DNAJC1: variants seen among roughly 807,000 people sequenced by gnomAD.
The protein encoded by DNAJC1 is DnaJ heat shock protein family (Hsp40) member C1.
DNAJC1 carries 58 observed loss-of-function variants against 76.6 expected under a neutral mutation model. That is an observed-to-expected ratio of 0.76 (90% CI 0.61 to 0.94). The LOEUF is 0.94. DNAJC1 is among the 40% of genes least tolerant of loss of function. DNAJC1 has a pLI of 0.00. For synonymous variants in DNAJC1, 258 were observed against 267.9 expected (o/e 0.96, Z 0.36); for missense variants, 689 against 677.3 (o/e 1.02, Z -0.19).
intron 9 of DNAJC1, among the ~76,000 whole-genome samples, chr10:21,786,801 C>A (rs1834617504): frequency 6.6e-6 from 1 of 152,090 alleles, no homozygotes; most frequent in South Asian, 2.1e-4. Context: ...ATCCAATTAC[C>A]ATCTATCCCT....
At chr10:21,761,804 C>A (rs896749190) in intron 10 of DNAJC1, among the ~76,000 whole-genome samples, 1 of 152,120 alleles carries the variant, frequency 6.6e-6, no homozygotes, top group Non-Finnish European at 1.5e-5. Context: ...AGTTCCAGGT[C>A]CTAGTCTTTT....
At chr10:21,981,662 G>A (rs1838161503) in intron 1 of DNAJC1, among the ~76,000 whole-genome samples, 1 of 152,150 alleles carries the variant, frequency 6.6e-6, no homozygotes, top group African/African-American at 2.4e-5. Flanking sequence ...GATTACATGA[G>A]ATAATATGTG....
At chr10:21,914,146 T>C (rs1317650654) in intron 6 of DNAJC1, among the ~76,000 whole-genome samples, 1 of 152,236 alleles carries the variant, frequency 6.6e-6, no homozygotes, top group South Asian at 2.1e-4. Context: ...TATAGAAATA[T>C]CCATGCATCT....
Position 21,852,092 on chromosome 10 carries a change from TACACACACACACACACACACAC to T in DNAJC1, c.978+30168_978+30189del, listed in dbSNP as rs58289439. Among the ~76,000 whole-genome samples, 8 of 146,100 alleles carry T rather than the reference TACACACACACACACACACACAC, an allele frequency of 5.5e-5. No individual in the cohort carries two copies. In the South Asian group the frequency reaches 6.7e-4, roughly 12 times the overall value. ...ATAAAAAAAATAAAAAATTGTGAGATACACACACACACACACACACACACACACACACACACACACACGGAAT... is the reference window on the plus strand; with the variant it reads ...ATAAAAAAAATAAAAAATTGTGAGATACACACACACACACACACACGGAAT... On this transcript the variant is annotated intron_variant, in intron 8 of 11. Transcript: ENST00000376980.
intron 9 of DNAJC1, among the ~76,000 whole-genome samples, chr10:21,771,505 T>C (rs1834376946): frequency 6.9e-6 from 1 of 144,808 alleles, no homozygotes; most frequent in African/African-American, 2.6e-5. Context: ...TGTCAAACAC[T>C]TTTTTTTTTT....
intron 6 of DNAJC1, among the ~76,000 whole-genome samples, chr10:21,915,208 T>C (rs1836931913): frequency 6.6e-6 from 1 of 152,228 alleles, no homozygotes; most frequent in South Asian, 2.1e-4. Flanking sequence ...ATAATTTAGG[T>C]ATACTAAGCA....
chr10:21,975,889 C>G (rs561308666), intron 1 of DNAJC1, among the ~76,000 whole-genome samples: 1 of 152,220 alleles, frequency 6.6e-6, no homozygotes, highest in Non-Finnish European at 1.5e-5. Context: ...GATTACTATT[C>G]AACTTTTTTG....
chr10:21,883,295 C>CACACACA (rs1554893891), intron 7 of DNAJC1, among the ~76,000 whole-genome samples: 222 of 149,892 alleles, frequency 1.5e-3, no homozygotes, highest in African/African-American at 3.8e-3. Context: ...CACACACACA[C>CACACACA]CATTTTAACT....
intron 10 of DNAJC1, among the ~76,000 whole-genome samples, chr10:21,761,607 G>T (rs1834242426): frequency 6.6e-6 from 1 of 150,726 alleles, no homozygotes; most frequent in Non-Finnish European, 1.5e-5. Context: ...CTACAAAAAG[G>T]AATACAATGA....
At chr10:21,767,297 AT>A (rs1176590178) in intron 9 of DNAJC1, among the ~76,000 whole-genome samples, 1 of 151,908 alleles carries the variant, frequency 6.6e-6, no homozygotes, top group Non-Finnish European at 1.5e-5. Flanking sequence ...TCTGGTGGTA[AT>A]TTTTTTTCTT....
intron 8 of DNAJC1, among the ~76,000 whole-genome samples, chr10:21,854,621 GA>G (rs1268794983): frequency 6.6e-6 from 1 of 152,110 alleles, no homozygotes; most frequent in Non-Finnish European, 1.5e-5. Flanking sequence ...TGTCTGATTG[GA>G]AGAAGTAGCA....
intron 1 of DNAJC1, among the ~76,000 whole-genome samples, chr10:21,943,787 A>G (rs1837458730): frequency 6.6e-6 from 1 of 152,098 alleles, no homozygotes. Context: ...AGTGACTGCT[A>G]TTGCTAAACT....
intron 8 of DNAJC1, among the ~76,000 whole-genome samples, chr10:21,839,513 A>C (rs1013163022): frequency 6.6e-6 from 1 of 152,224 alleles, no homozygotes; most frequent in Non-Finnish European, 1.5e-5. Flanking sequence ...GAAATGGATA[A>C]ATTCCTTGAC....
intron 1 of DNAJC1, among the ~76,000 whole-genome samples, chr10:21,932,087 A>G (rs1471399200): frequency 6.6e-6 from 1 of 152,206 alleles, no homozygotes; most frequent in Admixed American, 6.5e-5. Flanking sequence ...CCGTAATCCC[A>G]GCACTTTGGA....
At chr10:21,805,807 G>T (rs1307425780) in intron 9 of DNAJC1, among the ~76,000 whole-genome samples, 173 bp downstream of exon 9, 1 of 152,144 alleles carries the variant, frequency 6.6e-6, no homozygotes, top group Non-Finnish European at 1.5e-5. Flanking sequence ...TGGACCAGGG[G>T]ACTGGCTCAC....
At chr10:21,786,491 G>GAGAGAGAGAGAGAGAGAGAGAC (rs1387218789) in intron 9 of DNAJC1, among the ~76,000 whole-genome samples, 10 of 143,064 alleles carry the variant, frequency 7.0e-5, no homozygotes, top group African/African-American at 7.8e-5. Context: ...GAGAGAGAGA[G>GAGAGAGAGAGAGAGAGAGAGAC]AGAGAGAGAG....
In DNAJC1 at chr10:21,920,968, A is replaced by G; in HGVS notation, c.372-5T>C. 3 of 1,568,748 alleles carry G rather than the reference A, an allele frequency of 1.9e-6. No homozygotes were observed. Among genetic ancestry groups the G allele is most frequent in the Non-Finnish European group, 2.6e-6 (3 of 1,154,216 alleles). ...TTGATCAGAATATCATCATACCTAC[A>G]GTACAAATATAACAGTTTTTCACGG... On this transcript the variant is annotated splice_region_variant and splice_polypyrimidine_tract_variant and intron_variant, in intron 3 of 11. Coordinates refer to ENST00000376980, the MANE Select transcript of DNAJC1 (RefSeq NM_022365.4).
At chr10:21,796,585 C>G (rs7909529) in intron 9 of DNAJC1, among the ~76,000 whole-genome samples, 5,021 of 152,260 alleles carry the variant, frequency 0.033, 133 homozygotes, top group Middle Eastern at 0.065. Context: ...GTTCCAATTT[C>G]TCTAAATCAC....
intron 1 of DNAJC1, among the ~76,000 whole-genome samples, chr10:21,980,439 T>C (rs1425143485): frequency 6.6e-6 from 1 of 152,082 alleles, no homozygotes; most frequent in African/African-American, 2.4e-5. Flanking sequence ...TTGAATTTAA[T>C]CATGAGGAAA....
Sources: allele counts gnomAD v4.1 joint callset (sites outside exome capture counted in the v4.1 genomes callset), GRCh38; gene constraint gnomAD v4.1.1; transcripts MANE v1.5; gene names NCBI Gene and HGNC (gene_info 2026-07-23, HGNC 2026-07-21).